The following DDX60L variants were observed in gnomAD, a reference collection of about 807,000 sequenced individuals.
DDX60L encodes probable ATP-dependent RNA helicase DDX60-like.
DDX60L carries 191 observed loss-of-function variants against 211.6 expected under a neutral mutation model. The observed-to-expected ratio is 0.90, with a 90% confidence interval of 0.80 to 1.02. The LOEUF (loss-of-function observed/expected upper bound fraction) is 1.02. Ranked by LOEUF, DDX60L falls within the 50% of genes least tolerant of loss-of-function variation. DDX60L has a pLI of 0.00. For missense variants in DDX60L, 2,007 were observed against 1,984.1 expected (o/e 1.01, Z -0.22); for synonymous variants, 706 against 694.1 (o/e 1.02, Z -0.27).
intron 22 of DDX60L, among the ~76,000 whole-genome samples, chr4:168,406,976 A>G (rs960507061): frequency 1.3e-5 from 2 of 152,162 alleles, no homozygotes; most frequent in Non-Finnish European, 2.9e-5. Flanking sequence ...TAGATAATAA[A>G]CTAACACTGC....
chr4:168,437,467 T>C (rs899595958), intron 10 of DDX60L, among the ~76,000 whole-genome samples: 2 of 151,526 alleles, frequency 1.3e-5, no homozygotes, highest in African/African-American at 2.4e-5. Flanking sequence ...CAAAATAAAA[T>C]CCAAAGTCCA....
chr4:168,363,189 A>G (rs1174940725), intron 36 of DDX60L, among the ~76,000 whole-genome samples: 1 of 152,190 alleles, frequency 6.6e-6, no homozygotes, highest in Non-Finnish European at 1.5e-5. Flanking sequence ...AAGTCAGTCA[A>G]GAATACTACA....
intron 4 of DDX60L, among the ~76,000 whole-genome samples, chr4:168,468,316 A>T (rs1463618354): frequency 2.0e-5 from 3 of 152,186 alleles, no homozygotes; most frequent in African/African-American, 7.2e-5. Context: ...AGGTTTTCCC[A>T]GGAATAAAAG....
chr4:168,430,317 C>A (rs1752149962), intron 13 of DDX60L, among the ~76,000 whole-genome samples, 161 bp downstream of exon 13: 1 of 152,132 alleles, frequency 6.6e-6, no homozygotes, highest in Admixed American at 6.5e-5. Context: ...TTATAAATTA[C>A]CCAATCGCAG....
At chr4:168,449,637 C>CAAAAAAAAAAAGAAAAA (rs1755410849) in intron 8 of DDX60L, among the ~76,000 whole-genome samples, 1 of 44,842 alleles carries the variant, frequency 2.2e-5, no homozygotes, top group Non-Finnish European at 3.7e-5. Context: ...AACATTAAAA[C>CAAAAAAAAAAAGAAAAA]AAAAAAAAAA....
chr4:168,463,886 T>C (rs1239182458), intron 4 of DDX60L, among the ~76,000 whole-genome samples: 2 of 152,210 alleles, frequency 1.3e-5, no homozygotes, highest in Non-Finnish European at 2.9e-5. Context: ...CCATTCAATC[T>C]GTAATTTTTA....
At chr4:168,417,168 A>T (rs1431958243) in intron 19 of DDX60L, among the ~76,000 whole-genome samples, 1 of 152,124 alleles carries the variant, frequency 6.6e-6, no homozygotes, top group African/African-American at 2.4e-5. Flanking sequence ...GTATTATTAA[A>T]CAAAAATCAA....
Position 168,406,589 on chromosome 4 carries a change from T to C in DDX60L, c.3084+13A>G. The C allele has an allele frequency of 1.3e-6, 2 of 1,540,250 alleles. No homozygotes were observed. Among genetic ancestry groups the C allele is most frequent in the South Asian group, 1.2e-5 (1 of 84,232 alleles). ...TAAAGTTCATTTTGGTGAATATATATTTCTATATTTACCTGAGCCCTGGGC... is the reference window on the plus strand; with the variant it reads ...TAAAGTTCATTTTGGTGAATATATACTTCTATATTTACCTGAGCCCTGGGC... On this transcript the variant is annotated intron_variant, in intron 23 of 37. Coordinates refer to ENST00000682922, the MANE Select transcript of DDX60L (RefSeq NM_001012967.3).
chr4:168,414,736 T>A (rs1306638378), intron 22 of DDX60L, among the ~76,000 whole-genome samples: 1 of 152,064 alleles, frequency 6.6e-6, no homozygotes, highest in African/African-American at 2.4e-5. Flanking sequence ...TGTCACTATG[T>A]TAAGTGAAAT....
intron 10 of DDX60L, among the ~76,000 whole-genome samples, chr4:168,436,576 C>A (rs1251113874): frequency 3.3e-5 from 5 of 152,242 alleles, no homozygotes; most frequent in African/African-American, 1.2e-4. Flanking sequence ...AAGGCTGGGG[C>A]AACGTTCTCC....
At chr4:168,393,704 C>T (rs560949154) in intron 28 of DDX60L, among the ~76,000 whole-genome samples, 1 of 152,162 alleles carries the variant, frequency 6.6e-6, no homozygotes, top group Non-Finnish European at 1.5e-5. Flanking sequence ...CATCTATCAG[C>T]TCTGTCTAAA....
In DDX60L at chr4:168,461,703, T is replaced by C. The variant is rs758588424; in HGVS notation, c.602A>G (p.Lys201Arg). ...ESTDRNQTFS[K>R]ENETVIQSAY... ...TGAGTTATTAATGTCAATTACCTCC[T>C]TGGAAAAAGTTTGGTTTCTGTCTGT... The change falls in exon 5 of 38, where the codon AAG becomes AGG. Residue 201 changes from lysine (K) to arginine (R), a missense_variant. Lys to Arg is a conservative substitution (Grantham distance 26, BLOSUM62 2). Transcript: ENST00000682922. 1 of 1,527,768 alleles carries C rather than the reference T, an allele frequency of 6.5e-7. No individual in the cohort carries two copies. Among genetic ancestry groups the C allele is most frequent in the Non-Finnish European group, 8.8e-7 (1 of 1,135,604 alleles). The allele number at this position is 1,527,768 out of a possible 1,614,324, so 94.6% of individuals were successfully genotyped here.
Position 168,441,557 on chromosome 4 carries a change from C to A in DDX60L, c.1139-65G>T. On this transcript the variant is annotated intron_variant, in intron 9 of 37. Coordinates refer to ENST00000682922, the MANE Select transcript of DDX60L (RefSeq NM_001012967.3). ...ACACATGCAGACACACACAGAGCAT[C>A]TTTTTTGAATAAATTCATAGAGCTC... The A allele has an allele frequency of 1.9e-5, 25 of 1,310,074 alleles. No homozygotes were observed. The South Asian group carries it at 3.5e-4, about 18-fold the overall frequency. The allele number at this position is 1,310,074 out of a possible 1,614,324, so 81.2% of individuals were successfully genotyped here.
At chr4:168,393,353 G>A (rs1177773196) in intron 28 of DDX60L, among the ~76,000 whole-genome samples, 2 of 151,976 alleles carry the variant, frequency 1.3e-5, no homozygotes, top group Non-Finnish European at 2.9e-5. Flanking sequence ...AAAATTAGCT[G>A]GGTGTGGTGG....
chr4:168,449,648 AATGCAAAAAAAAAAAAAG>A (rs1561098485), intron 8 of DDX60L, among the ~76,000 whole-genome samples: 9 of 52,350 alleles, frequency 1.7e-4, no homozygotes, highest in Non-Finnish European at 2.8e-4. Flanking sequence ...AAAAAAAAAA[AATGCAAAAAAAAAAAAAG>A]AAAAAAGAAA....
rs1349869606 is a variant in DDX60L, at chr4:168,357,882, A to G, written c.*265T>C. On this transcript the variant is annotated 3_prime_UTR_variant, in exon 38 of 38. Coordinates refer to ENST00000682922, the MANE Select transcript of DDX60L (RefSeq NM_001012967.3). ...ATTAAGTCACCACCCAATCCCAATC[A>G]CTTTTCTTACATTATCTCATTTAAT... The G allele has an allele frequency of 3.4e-6, 1 of 290,244 alleles. No individual in the cohort carries two copies. The highest frequency in any genetic ancestry group is 5.1e-5 in the Admixed American group (1 of 19,746). 18.0% of individuals were successfully genotyped at this position (290,244 alleles called of 1,614,324 possible). A position where few individuals can be genotyped will look rare whatever the true frequency, so the allele number is the denominator to read the frequency against.
chr4:168,403,756 G>A (rs967391154), intron 25 of DDX60L, among the ~76,000 whole-genome samples: 23 of 152,016 alleles, frequency 1.5e-4, no homozygotes, highest in Admixed American at 7.9e-4. Context: ...AAAATCAAAA[G>A]TCAAGGAAGT....
chr4:168,474,027 G>A (rs1320394151), intron 1 of DDX60L, among the ~76,000 whole-genome samples: 2 of 152,184 alleles, frequency 1.3e-5, no homozygotes, highest in Non-Finnish European at 2.9e-5. Flanking sequence ...TGTGACAGGC[G>A]CTGCACTTGG....
At chr4:168,375,014 GA>G (rs1048410179) in intron 34 of DDX60L, among the ~76,000 whole-genome samples, 2 of 152,006 alleles carry the variant, frequency 1.3e-5, no homozygotes, top group Non-Finnish European at 2.9e-5. Context: ...CCCCTCAGGG[GA>G]AAAAAATGCC....
Sources: gnomAD v4.1 joint callset for allele counts (sites outside exome capture counted in the v4.1 genomes callset) on GRCh38, gnomAD v4.1.1 for gene constraint, MANE v1.5 for transcripts, NCBI Gene and HGNC (gene_info 2026-07-23, HGNC 2026-07-21) for gene names.